Variants in SLC24A3 observed in about 807,000 individuals in gnomAD.
SLC24A3 encodes the protein sodium/potassium/calcium exchanger 3.
Under a neutral mutation model 75.8 loss-of-function variants are expected in SLC24A3, and 28 were observed. The observed-to-expected ratio is 0.37, with a 90% CI of 0.27 to 0.51. The LOEUF is 0.51. Ranked by LOEUF, SLC24A3 falls within the 20% of genes least tolerant of loss-of-function variation. SLC24A3 has a pLI of 0.94. For synonymous variants in SLC24A3, 372 were observed against 334.1 expected, an observed-to-expected ratio of 1.11 and a Z score of -1.24; for missense variants, 663 against 847.8, an observed-to-expected ratio of 0.78 and a Z score of 2.71.
intron 6 of SLC24A3, among the ~76,000 whole-genome samples, chr20:19,648,362 A>G (rs534931139): frequency 1.6e-4 from 25 of 152,328 alleles, no homozygotes; most frequent in African/African-American, 5.5e-4. Flanking sequence ...TTTCCATGAA[A>G]TTTGTGTGAA....
At chr20:19,463,925 G>C (rs1471408016) in intron 2 of SLC24A3, among the ~76,000 whole-genome samples, 1 of 152,158 alleles carries the variant, frequency 6.6e-6, no homozygotes, top group East Asian at 1.9e-4. Flanking sequence ...GGTGGCCCTG[G>C]TGCTTTTTCT....
At chr20:19,506,818 A>G (rs1281643134) in intron 2 of SLC24A3, among the ~76,000 whole-genome samples, 1 of 152,210 alleles carries the variant, frequency 6.6e-6, no homozygotes, top group Non-Finnish European at 1.5e-5. Flanking sequence ...AGCAGATGGT[A>G]AGTGCTGAAA....
intron 2 of SLC24A3, among the ~76,000 whole-genome samples, chr20:19,445,496 A>G (rs1244955681): frequency 1.3e-5 from 2 of 152,220 alleles, no homozygotes; most frequent in African/African-American, 2.4e-5. Context: ...AGTGCAGAAC[A>G]GGGAATTGGA....
chr20:19,682,132 G>A (rs564518831), intron 10 of SLC24A3, 141 bp downstream of exon 10: 1 of 959,574 alleles, frequency 1.0e-6, no homozygotes, highest in Non-Finnish European at 1.5e-6. Flanking sequence ...GCCCAAGCCT[G>A]TAATCCCAGC....
intron 15 of SLC24A3, among the ~76,000 whole-genome samples, chr20:19,704,756 G>T (rs2032909787): frequency 6.6e-6 from 1 of 152,172 alleles, no homozygotes. Flanking sequence ...AACAGTACTT[G>T]CAAAGGCGTC....
At chr20:19,582,564 G>C (rs6075536) in intron 4 of SLC24A3, among the ~76,000 whole-genome samples, 75,795 of 152,158 alleles carry the variant, frequency 0.5, 21,523 homozygotes, top group Non-Finnish European at 0.63. Context: ...CGAAACTGGG[G>C]TCAGGCAGGC....
At chr20:19,479,814 C>T (rs1368552751) in intron 2 of SLC24A3, among the ~76,000 whole-genome samples, 5 of 152,148 alleles carry the variant, frequency 3.3e-5, no homozygotes, top group Admixed American at 6.5e-5. Context: ...GAAAGGACCT[C>T]GACACTTGCA....
Position 19,693,340 on chromosome 20 carries a change from A to G in SLC24A3, c.1406A>G (p.Lys469Arg). 1 of 1,614,136 alleles carries G rather than the reference A, an allele frequency of 6.2e-7. No individual in the cohort carries two copies. Among genetic ancestry groups the G allele is most frequent in the Non-Finnish European group, 8.5e-7 (1 of 1,180,026 alleles). The change falls in exon 13 of 17, where the codon AAG becomes AGG. Residue 469 changes from lysine (K) to arginine (R), a missense_variant. Lys to Arg is a conservative substitution (Grantham distance 26, BLOSUM62 2). Around this residue, in one of 2 missense-constraint regions of SLC24A3, gnomAD observed 510 missense variants for 703.6 expected, o/e 0.72. Transcript: ENST00000328041. ...VLYFTVPNCN[K>R]PRWEKWFMVT... ...TACTTCACTGTACCCAACTGCAACA[A>G]GCCGCGCTGGGAGAAATGGTTCATG...
At position 19,280,975 on chromosome 20, in the gene SLC24A3, C is replaced by T. The variant is rs778178616; in HGVS notation, c.159C>T (p.Asp53=). Residue 53 remains aspartate, a synonymous_variant, in exon 2 of 17, where the codon GAC becomes GAT. Coordinates refer to ENST00000328041, the MANE Select transcript of SLC24A3 (RefSeq NM_020689.4). The part of the protein sequence containing the change: ...LREQKELDLM[D]LVGEDRKWMM... ...TCTCCCCAGAGCTTGACCTCATGGA[C>T]CTCGTAGGGGAAGACAGAAAGTGGA... 6.2e-7 allele frequency: 1 copy of T among 1,613,758 alleles called. No individual in the cohort carries two copies. Among genetic ancestry groups the T allele is most frequent in the Non-Finnish European group, 8.5e-7 (1 of 1,179,776 alleles).
At chr20:19,671,844 G>A (rs1478062181) in intron 8 of SLC24A3, among the ~76,000 whole-genome samples, 2 of 152,038 alleles carry the variant, frequency 1.3e-5, no homozygotes, top group East Asian at 3.9e-4. Flanking sequence ...TCAGGATGAG[G>A]TCACCTAGGG....
chr20:19,709,618 T>C (rs1163280633), intron 15 of SLC24A3, among the ~76,000 whole-genome samples: 1 of 151,736 alleles, frequency 6.6e-6, no homozygotes, highest in Non-Finnish European at 1.5e-5. Flanking sequence ...CAAGACTCCA[T>C]CTCAGAAAAA....
chr20:19,572,553 A>G (rs1270779881), intron 3 of SLC24A3, among the ~76,000 whole-genome samples: 1 of 152,222 alleles, frequency 6.6e-6, no homozygotes, highest in Admixed American at 6.5e-5. Flanking sequence ...TTTGTGTGGT[A>G]AAATCAAAAG....
chr20:19,244,123 C>G (rs1982414186), intron 1 of SLC24A3: 1 of 152,194 alleles, frequency 6.6e-6, no homozygotes, highest in Admixed American at 6.5e-5. Flanking sequence ...GACCTTTCCT[C>G]TCATTCCATT....
chr20:19,624,138 T>C (rs1052820479), intron 6 of SLC24A3, among the ~76,000 whole-genome samples: 2 of 152,224 alleles, frequency 1.3e-5, no homozygotes, highest in Non-Finnish European at 1.5e-5. Context: ...TTCTAAGCTA[T>C]TGTTTTCAAG....
At chr20:19,608,778 C>T (rs917135365) in intron 6 of SLC24A3, among the ~76,000 whole-genome samples, 1 of 152,172 alleles carries the variant, frequency 6.6e-6, no homozygotes, top group Admixed American at 6.5e-5. Flanking sequence ...CTTGTCAAAA[C>T]ACACAATATT....
chr20:19,633,711 C>G (rs1392766977), intron 6 of SLC24A3, among the ~76,000 whole-genome samples: 4 of 150,872 alleles, frequency 2.7e-5, no homozygotes, highest in Non-Finnish European at 4.4e-5. Context: ...CTAATGACCT[C>G]ACTTTAAGTT....
chr20:19,410,980 G>A (rs1190507815), intron 2 of SLC24A3, among the ~76,000 whole-genome samples: 2 of 152,196 alleles, frequency 1.3e-5, no homozygotes, highest in South Asian at 2.1e-4. Context: ...GAAGTCTAGG[G>A]AGAAGCCACA....
intron 2 of SLC24A3, among the ~76,000 whole-genome samples, chr20:19,295,687 C>G (rs990864437): frequency 6.6e-6 from 1 of 152,190 alleles, no homozygotes; most frequent in African/African-American, 2.4e-5. Flanking sequence ...ACCAGCCTTG[C>G]ATCAGGGATG....
At chr20:19,377,838 G>T (rs764090968) in intron 2 of SLC24A3, among the ~76,000 whole-genome samples, 24 of 152,198 alleles carry the variant, frequency 1.6e-4, no homozygotes, top group Non-Finnish European at 3.1e-4. Flanking sequence ...CAAGGAAGCA[G>T]AATGGAAAAC....
Sources: allele counts gnomAD v4.1 joint callset (sites outside exome capture counted in the v4.1 genomes callset), GRCh38; gene constraint gnomAD v4.1.1; regional missense constraint gnomAD v4.1.1; transcripts MANE v1.5; gene names NCBI Gene and HGNC (gene_info 2026-07-23, HGNC 2026-07-21).